The following PDE4D variants were observed in gnomAD, a reference collection of about 807,000 sequenced individuals.
PDE4D encodes 3',5'-cyclic-AMP phosphodiesterase 4D.
A neutral mutation model predicts 87.4 loss-of-function variants in PDE4D; 24 were observed. The observed-to-expected ratio is 0.27, with a 90% CI of 0.20 to 0.39. PDE4D has a LOEUF of 0.39. Ranked by LOEUF, PDE4D falls within the 10% of genes least tolerant of loss-of-function variation. The pLI is 1.00. For synonymous variants in PDE4D, 384 were observed against 383.2 expected (o/e 1.00, Z -0.02); for missense variants, 714 against 1,041.0 (o/e 0.69, Z 4.32).
At chr5:59,285,449 T>C (rs1015579104) in intron 1 of PDE4D, among the ~76,000 whole-genome samples, 2 of 152,032 alleles carry the variant, frequency 1.3e-5, no homozygotes, top group African/African-American at 4.8e-5. Context: ...CATAAGCCTC[T>C]ATCTCTAAAA....
chr5:59,711,270 T>G (rs1754157701), intron 1 of PDE4D, among the ~76,000 whole-genome samples: 2 of 152,188 alleles, frequency 1.3e-5, no homozygotes, highest in Admixed American at 6.5e-5. Context: ...ATAAGACCAT[T>G]ATTTTGTCCC....
At chr5:60,513,678 A>G (rs1750672269) in intron 1 of PDE4D, among the ~76,000 whole-genome samples, 1 of 152,012 alleles carries the variant, frequency 6.6e-6, no homozygotes, top group Non-Finnish European at 1.5e-5. Context: ...AGACAACTGG[A>G]AAATCCCCAT....
intron 1 of PDE4D, among the ~76,000 whole-genome samples, chr5:59,424,753 G>T (rs1184635460): frequency 6.6e-6 from 1 of 152,138 alleles, no homozygotes; most frequent in Non-Finnish European, 1.5e-5. Flanking sequence ...TGAGATGTGG[G>T]TGGGGACACA....
chr5:59,763,941 A>T (rs35302677), intron 1 of PDE4D, among the ~76,000 whole-genome samples: 25,635 of 152,116 alleles, frequency 0.17, 2,549 homozygotes, highest in Middle Eastern at 0.32. Flanking sequence ...CGCAATAGAA[A>T]TCTGTTCCTT....
At chr5:59,192,028 T>C (rs957936767) in intron 3 of PDE4D, among the ~76,000 whole-genome samples, 13 of 152,280 alleles carry the variant, frequency 8.5e-5, no homozygotes, top group African/African-American at 3.1e-4. Flanking sequence ...GCAAACAAGA[T>C]ATTAACCATC....
chr5:60,148,734 G>A lies in PDE4D; in HGVS notation c.42+36823C>T, dbSNP rs1781234656. 3.9e-5 allele frequency among the ~76,000 whole-genome samples: 6 copies of A among 152,272 alleles called. No individual in the cohort carries two copies. In the South Asian group the frequency reaches 1.2e-3, roughly 32 times the overall value. On this transcript the variant is annotated intron_variant, in intron 2 of 16. Coordinates refer to the PDE4D transcript ENST00000502484. ...AGCTGCCATTGGGAACTTATAGTAG[G>A]ACATACATTTAGATAATGAAAGATA...
intron 1 of PDE4D, among the ~76,000 whole-genome samples, chr5:60,467,638 G>A (rs751298314): frequency 4.3e-4 from 66 of 152,010 alleles, no homozygotes; most frequent in African/African-American, 1.3e-3. Context: ...CTATTAGTCC[G>A]TTTTCACACT....
intron 1 of PDE4D, among the ~76,000 whole-genome samples, chr5:59,819,774 T>C (rs930989926): frequency 7.2e-5 from 11 of 152,196 alleles, no homozygotes; most frequent in African/African-American, 2.4e-4. Flanking sequence ...TCTGTAGCTA[T>C]GAAATTAAGT....
intron 1 of PDE4D, among the ~76,000 whole-genome samples, chr5:60,309,756 A>G (rs16877895): frequency 0.06 from 9,178 of 152,234 alleles, 918 homozygotes; most frequent in African/African-American, 0.21. Context: ...CACAACATCA[A>G]TGCCATATTA....
intron 1 of PDE4D, among the ~76,000 whole-genome samples, chr5:59,553,898 C>T (rs866077705): frequency 1.3e-5 from 2 of 152,070 alleles, no homozygotes; most frequent in South Asian, 2.1e-4. Flanking sequence ...CAGAGCTCTC[C>T]GTCATTAACC....
intron 2 of PDE4D, among the ~76,000 whole-genome samples, chr5:60,100,225 C>T (rs1052579888): frequency 6.6e-6 from 1 of 151,756 alleles, no homozygotes; most frequent in African/African-American, 2.4e-5. Flanking sequence ...GTTTGTATAA[C>T]ATATAATGAG....
chr5:60,370,985 C>T (rs1760979791), intron 1 of PDE4D, among the ~76,000 whole-genome samples: 1 of 152,146 alleles, frequency 6.6e-6, no homozygotes, highest in Non-Finnish European at 1.5e-5. Context: ...CCTAGGAGAC[C>T]ACAAACCAGG....
chr5:59,035,736 A>G (rs987501629), intron 6 of PDE4D, among the ~76,000 whole-genome samples: 13 of 152,332 alleles, frequency 8.5e-5, no homozygotes, highest in South Asian at 2.1e-4. Flanking sequence ...AAACAAAACC[A>G]TAATTCAACT....
chr5:59,516,385 A>G (rs1002458733), intron 1 of PDE4D, among the ~76,000 whole-genome samples: 5 of 152,090 alleles, frequency 3.3e-5, no homozygotes, highest in Non-Finnish European at 5.9e-5. Flanking sequence ...CCACTCCACC[A>G]ATTCTGGAGG....
chr5:59,423,671 G>A (rs1318673024), intron 1 of PDE4D, among the ~76,000 whole-genome samples: 1 of 152,108 alleles, frequency 6.6e-6, no homozygotes, highest in Non-Finnish European at 1.5e-5. Context: ...CACAAAATGA[G>A]GAGAGAATGG....
intron 1 of PDE4D, among the ~76,000 whole-genome samples, chr5:60,329,106 C>G (rs1473031916): frequency 6.6e-6 from 1 of 152,134 alleles, no homozygotes; most frequent in Non-Finnish European, 1.5e-5. Context: ...TATGAGGGCT[C>G]CTGTGTTATG....
chr5:59,554,688 T>C (rs1327553447), intron 1 of PDE4D, among the ~76,000 whole-genome samples: 1 of 152,132 alleles, frequency 6.6e-6, no homozygotes, highest in South Asian at 2.1e-4. Context: ...CAACTGAAAC[T>C]GAATGGAAAG....
At chr5:59,602,754 T>G (rs1298786724) in intron 1 of PDE4D, among the ~76,000 whole-genome samples, 1 of 151,982 alleles carries the variant, frequency 6.6e-6, no homozygotes, top group South Asian at 2.1e-4. Context: ...AAAAGAACAA[T>G]GCCAAAGGCA....
intron 2 of PDE4D, among the ~76,000 whole-genome samples, chr5:60,170,687 G>A (rs1783344868): frequency 2.6e-5 from 4 of 151,842 alleles, no homozygotes; most frequent in Admixed American, 2.6e-4. Context: ...AAATCATGAA[G>A]AGAAACACGA....
Sources: gnomAD v4.1 joint callset for allele counts (sites outside exome capture counted in the v4.1 genomes callset) on GRCh38, gnomAD v4.1.1 for gene constraint, MANE v1.5 for transcripts, NCBI Gene and HGNC (gene_info 2026-07-23, HGNC 2026-07-21) for gene names.